CAVIN1: variants seen among roughly 807,000 people sequenced by gnomAD.
CAVIN1 encodes caveolae-associated protein 1.
Under a neutral mutation model 24.0 loss-of-function variants are expected in CAVIN1, and 16 were observed. That is an observed-to-expected ratio of 0.67 (90% CI 0.45 to 1.01). The LOEUF is 1.01. Among genes scored for constraint, CAVIN1 ranks in the 50% least tolerant of loss-of-function variants. The pLI is 0.00. For missense variants in CAVIN1, 510 were observed against 551.7 expected (o/e 0.92, Z 0.76); for synonymous variants, 256 against 256.4 (o/e 1.00, Z 0.02).
At chr17:42,406,010 CAT>C (rs1328526808) in intron 1 of CAVIN1, among the ~76,000 whole-genome samples, 9 of 152,314 alleles carry the variant, frequency 5.9e-5, no homozygotes, top group East Asian at 3.9e-4. Flanking sequence ...CTCTAAAAAA[CAT>C]GTGTGTTGAA....
Position 42,411,940 on chromosome 17 carries a change from G to A in CAVIN1, c.472-6552C>T, listed in dbSNP as rs931687506. On this transcript the variant is annotated intron_variant, in intron 1 of 1. Coordinates refer to ENST00000357037, the MANE Select transcript of CAVIN1 (RefSeq NM_012232.6). ...ACCCGGCACCCGTCCACAGTGGGCA[G>A]TGACTGGGGATGGTGGCCCTCCTGG... 3.0e-6 allele frequency: 3 copies of A among 985,394 alleles called. No homozygotes were observed. The African/African-American group carries it at 5.2e-5, about 17-fold the overall frequency. 61.0% of individuals were successfully genotyped at this position (985,394 alleles called of 1,614,324 possible). A position where few individuals can be genotyped will look rare whatever the true frequency, so the allele number is the denominator to read the frequency against.
chr17:42,411,288 C>T (rs2085476832), intron 1 of CAVIN1: 1 of 245,848 alleles, frequency 4.1e-6, no homozygotes, highest in South Asian at 1.5e-4. Context: ...TGAGGTGGCT[C>T]ACATCTGTAA....
Position 42,404,655 on chromosome 17 carries a change from C to T in CAVIN1, c.*32G>A. 7.4e-7 allele frequency: 1 copy of T among 1,342,918 alleles called. No individual in the cohort carries two copies. Among genetic ancestry groups the T allele is most frequent in the Non-Finnish European group, 9.7e-7 (1 of 1,026,796 alleles). The allele number at this position is 1,342,918 out of a possible 1,614,324, so 83.2% of individuals were successfully genotyped here. Reference sequence around the variant, plus strand: ...TGCGAAAGAGGAAGTTCGGAAGGAGCGAGGAATGGGGTGGGTGGCAGCGGG... The same window carrying T: ...TGCGAAAGAGGAAGTTCGGAAGGAGTGAGGAATGGGGTGGGTGGCAGCGGG... On this transcript the variant is annotated 3_prime_UTR_variant, in exon 2 of 2. Transcript: ENST00000357037.
intron 1 of CAVIN1, among the ~76,000 whole-genome samples, chr17:42,418,423 G>C (rs1291970440): frequency 1.3e-5 from 2 of 151,876 alleles, no homozygotes; most frequent in African/African-American, 4.8e-5. Context: ...TAGAGACGGG[G>C]TTTCTCCATG....
chr17:42,422,875 G>T lies in CAVIN1; in HGVS notation c.223C>A (p.Leu75Met), dbSNP rs1378939281. The change falls in exon 1 of 2, where the codon CTG becomes ATG. Residue 75 changes from leucine (L) to methionine (M), a missense_variant. Leu to Met is a conservative substitution (Grantham distance 15, BLOSUM62 2). Coordinates refer to ENST00000357037, the MANE Select transcript of CAVIN1 (RefSeq NM_012232.6). ...TCCATCTCCGCCTGCCGCTCCTCCA[G>T]CTGTGCTTGAGTCAGCTGGATCTGG... ...VDQIQLTQAQ[L>M]EERQAEMEGA... 1 of 1,614,102 alleles carries T rather than the reference G, an allele frequency of 6.2e-7. No homozygotes were observed. Among genetic ancestry groups the T allele is most frequent in the Non-Finnish European group, 8.5e-7 (1 of 1,180,020 alleles).
In CAVIN1 at chr17:42,404,669, G is replaced by T. The variant is rs1175334305; in HGVS notation, c.*18C>A. The T allele has an allele frequency of 7.1e-7, 1 of 1,399,192 alleles. No individual in the cohort carries two copies. Among genetic ancestry groups the T allele is most frequent in the Non-Finnish European group, 9.4e-7 (1 of 1,068,246 alleles). 86.7% of individuals were successfully genotyped at this position (1,399,192 alleles called of 1,614,324 possible). A position where few individuals can be genotyped will look rare whatever the true frequency, so the allele number is the denominator to read the frequency against. Reference sequence around the variant, plus strand: ...TTCGGAAGGAGCGAGGAATGGGGTGGGTGGCAGCGGGGGCGGCTCAGTCGC... The same window carrying T: ...TTCGGAAGGAGCGAGGAATGGGGTGTGTGGCAGCGGGGGCGGCTCAGTCGC... On this transcript the variant is annotated 3_prime_UTR_variant, in exon 2 of 2. Coordinates refer to ENST00000357037, the MANE Select transcript of CAVIN1 (RefSeq NM_012232.6).
In CAVIN1 at chr17:42,404,735, G is replaced by C. The variant is rs2085431457; in HGVS notation, c.1125C>G (p.Ile375Met). Reference protein sequence around the residue: ...SSPDVHALLEITEESDAVLVD... With the variant: ...SSPDVHALLEMTEESDAVLVD... ...CCAGCACGGCGTCCGACTCCTCGGT[G>C]ATCTCCAGCAGCGCGTGCACGTCGG... is the stretch of plus-strand genomic sequence containing the variant. The change falls in exon 2 of 2, where the codon ATC (isoleucine) becomes ATG (methionine). Residue 375 changes from isoleucine to methionine, a missense_variant. Transcript: ENST00000357037. 2.7e-5 allele frequency: 40 copies of C among 1,504,498 alleles called. No homozygotes were observed. Among genetic ancestry groups the C allele is most frequent in the Non-Finnish European group, 3.4e-5 (38 of 1,132,650 alleles). 93.2% of individuals were successfully genotyped at this position (1,504,498 alleles called of 1,614,324 possible). A position where few individuals can be genotyped will look rare whatever the true frequency, so the allele number is the denominator to read the frequency against.
At chr17:42,419,881 T>TTGTGTG (rs2013276799) in intron 1 of CAVIN1, among the ~76,000 whole-genome samples, 1 of 120,146 alleles carries the variant, frequency 8.3e-6, no homozygotes, top group Non-Finnish European at 1.7e-5. Flanking sequence ...GTGCTGAATT[T>TTGTGTG]CGTGTGTGTG....
chr17:42,419,776 T>A (rs1328710607), intron 1 of CAVIN1, among the ~76,000 whole-genome samples: 1 of 151,998 alleles, frequency 6.6e-6, no homozygotes, highest in Non-Finnish European at 1.5e-5. Flanking sequence ...AACTGCTAGG[T>A]TTTGTTTGGG....
Position 42,404,900 on chromosome 17 carries a change from G to C in CAVIN1, c.960C>G (p.Pro320=). 3 of 1,614,090 alleles carry C rather than the reference G, an allele frequency of 1.9e-6. No homozygotes were observed. The highest frequency in any genetic ancestry group is 2.5e-6 in the Non-Finnish European group (3 of 1,179,952). ...GGATCTTCTTGACGTGGAAGGTGAA[G>C]GGTGGCACCTTGTAGACCGCGGTCT... ...RSKTAVYKVP[P]FTFHVKKIRE... Residue 320 remains proline (P), a synonymous_variant, in exon 2 of 2, where the codon CCC becomes CCG. Coordinates refer to ENST00000357037, the MANE Select transcript of CAVIN1 (RefSeq NM_012232.6).
At chr17:42,420,938 C>CT (rs1270175767) in intron 1 of CAVIN1, among the ~76,000 whole-genome samples, 2 of 152,166 alleles carry the variant, frequency 1.3e-5, no homozygotes, top group Non-Finnish European at 2.9e-5. Context: ...TTCCGCTCCT[C>CT]TCAATGTCCC....
At chr17:42,413,565 G>GAAAAA (rs2085493446) in intron 1 of CAVIN1, among the ~76,000 whole-genome samples, 26 of 62,586 alleles carry the variant, frequency 4.2e-4, no homozygotes, top group African/African-American at 1.4e-3. Context: ...TCTCAAAAAG[G>GAAAAA]GAAAAAAAAA....
At chr17:42,412,869 G>A (rs904540034) in intron 1 of CAVIN1, among the ~76,000 whole-genome samples, 7 of 151,528 alleles carry the variant, frequency 4.6e-5, no homozygotes, top group South Asian at 2.1e-4. Context: ...CTCTTGTCTC[G>A]GTCTCCCAAA....
intron 1 of CAVIN1, among the ~76,000 whole-genome samples, chr17:42,412,985 C>T (rs986056511): frequency 2.0e-5 from 3 of 150,526 alleles, no homozygotes; most frequent in Admixed American, 6.6e-5. Flanking sequence ...AGTGCAGTGG[C>T]GTGATCTCTG....
chr17:42,419,604 C>T (rs997441743), intron 1 of CAVIN1, among the ~76,000 whole-genome samples: 4 of 152,182 alleles, frequency 2.6e-5, no homozygotes, highest in African/African-American at 9.7e-5. Context: ...AGCCACCTAG[C>T]CCGGCCTCTG....
At chr17:42,413,218 C>T (rs1346738973) in intron 1 of CAVIN1, among the ~76,000 whole-genome samples, 1 of 151,920 alleles carries the variant, frequency 6.6e-6, no homozygotes, top group Non-Finnish European at 1.5e-5. Flanking sequence ...CAGGCATGAG[C>T]CACCATCATG....
rs60085741 is a variant in CAVIN1 at position 42,413,566 on chromosome 17, GAAAAAAA to G, written c.472-8185_472-8179del. Reference sequence around the variant, plus strand: ...AGAGCAAAAGTCTGTCTCAAAAAGGGAAAAAAAAAAAAAAAAAAAAAAAAAAAAAAAA... The same window carrying G: ...AGAGCAAAAGTCTGTCTCAAAAAGGGAAAAAAAAAAAAAAAAAAAAAAAAA... On this transcript the variant is annotated intron_variant, in intron 1 of 1. Coordinates refer to ENST00000357037, the MANE Select transcript of CAVIN1 (RefSeq NM_012232.6). Among the ~76,000 whole-genome samples, 448 of 56,920 alleles carry G rather than the reference GAAAAAAA, an allele frequency of 7.9e-3. 2 individuals carry two copies. Among genetic ancestry groups the G allele is most frequent in the Middle Eastern group, 0.032 (2 of 62 alleles). The allele number at this position is 56,920 out of a possible 152,430, so 37.3% of individuals were successfully genotyped here.
chr17:42,413,015 T>C (rs1437723291), intron 1 of CAVIN1, among the ~76,000 whole-genome samples: 1 of 151,766 alleles, frequency 6.6e-6, no homozygotes, highest in East Asian at 2.0e-4. Flanking sequence ...CACCGCAACC[T>C]CCGCCTCCTG....
In CAVIN1 at chr17:42,407,233, C is replaced by G. The variant is rs551289164; in HGVS notation, c.472-1845G>C. ...CAGACCAAGATCATCAATAGGATCT[C>G]TTTGGCCCAGACTCCCTTTAGTGAC... On this transcript the variant is annotated intron_variant, in intron 1 of 1. Coordinates refer to ENST00000357037, the MANE Select transcript of CAVIN1 (RefSeq NM_012232.6). Among the ~76,000 whole-genome samples, 4 of 152,218 alleles carry G rather than the reference C, an allele frequency of 2.6e-5. No homozygotes were observed. In the South Asian group the frequency reaches 8.3e-4, roughly 32 times the overall value.
Sources: allele counts gnomAD v4.1 joint callset (sites outside exome capture counted in the v4.1 genomes callset), GRCh38; gene constraint gnomAD v4.1.1; transcripts MANE v1.5; gene names NCBI Gene and HGNC (gene_info 2026-07-23, HGNC 2026-07-21).